The following RAD50 variants were observed in gnomAD, a reference collection of about 807,000 sequenced individuals.
The protein encoded by RAD50 is DNA repair protein RAD50.
A neutral mutation model predicts 168.8 loss-of-function variants in RAD50; 132 were observed. The observed-to-expected ratio is 0.78, with a 90% CI of 0.68 to 0.90. The LOEUF (loss-of-function observed/expected upper bound fraction) is 0.90, where lower values mean the gene tolerates loss of function less well. Among genes scored for constraint, RAD50 ranks in the 40% least tolerant of loss-of-function variants. The pLI is 0.00. For missense variants in RAD50, 1,347 were observed against 1,534.4 expected (o/e 0.88, Z 2.04); for synonymous variants, 525 against 497.4 (o/e 1.06, Z -0.74).
intron 21 of RAD50, among the ~76,000 whole-genome samples, chr5:132,624,062 GTTAGA>G (rs775423463): frequency 5.9e-5 from 9 of 152,114 alleles, no homozygotes; most frequent in East Asian, 3.8e-4. Flanking sequence ...TAAGATTTTT[GTTAGA>G]TTAAGTTTAA....
At chr5:132,571,341 C>A (rs558187039) in intron 2 of RAD50, among the ~76,000 whole-genome samples, 8 of 152,232 alleles carry the variant, frequency 5.3e-5, no homozygotes, top group Admixed American at 4.6e-4. Context: ...TATTTGATAG[C>A]TGTCATAATA....
chr5:132,610,195 TACTC>T (rs1561647965), intron 19 of RAD50, among the ~76,000 whole-genome samples: 1 of 152,160 alleles, frequency 6.6e-6, no homozygotes, highest in Non-Finnish European at 1.5e-5. Flanking sequence ...TACCAGCACT[TACTC>T]AGATTGATTT....
rs528571753 is a variant in RAD50 at position 132,576,986 on chromosome 5, C to T, written c.365+1058C>T. Among the ~76,000 whole-genome samples the T allele has an allele frequency of 1.8e-3, 268 of 152,284 alleles. 1 individual carries two copies. The highest frequency in any genetic ancestry group is 6.2e-3 in the African/African-American group (257 of 41,560). ...TAGTAAGAGTTCATGTATTAGTCTT[C>T]TATGACTGCTATAAGAAACCACAAA... is the stretch of plus-strand genomic sequence containing the variant. On this transcript the variant is annotated intron_variant, in intron 3 of 24. Coordinates refer to ENST00000378823, the MANE Select transcript of RAD50 (RefSeq NM_005732.4).
At chr5:132,578,049 G>A (rs80097481) in intron 3 of RAD50, among the ~76,000 whole-genome samples, 6 of 151,980 alleles carry the variant, frequency 3.9e-5, no homozygotes, top group South Asian at 2.1e-4. Context: ...TCTTGACCTC[G>A]TGATCCGCCC....
intron 13 of RAD50, among the ~76,000 whole-genome samples, chr5:132,599,263 G>A (rs980826477): frequency 1.3e-5 from 2 of 152,152 alleles, no homozygotes; most frequent in African/African-American, 4.8e-5. Flanking sequence ...AGGAAGCACT[G>A]AAAATGGACC....
At chr5:132,619,839 T>TATATATATAAAG (rs1561651662) in intron 21 of RAD50, among the ~76,000 whole-genome samples, 1,386 of 115,960 alleles carry the variant, frequency 0.012, 23 homozygotes, top group African/African-American at 0.047. Context: ...TCTCTCTCTA[T>TATATATATAAAG]ATATATATAT....
chr5:132,635,518 ACTAGAT>A (rs1751562812), intron 21 of RAD50, among the ~76,000 whole-genome samples: 1 of 152,184 alleles, frequency 6.6e-6, no homozygotes, highest in Non-Finnish European at 1.5e-5. Flanking sequence ...CTCTCCCTGA[ACTAGAT>A]CTTTTTCCCG....
chr5:132,589,530 CTT>C, intron 8 of RAD50, 99 bp from the exon 9 acceptor site: 1 of 954,544 alleles, frequency 1.0e-6, no homozygotes. Context: ...CACGACTGTA[CTT>C]TTTTGTATTT....
intron 5 of RAD50, among the ~76,000 whole-genome samples, chr5:132,587,219 T>TA (rs935852331): frequency 6.6e-6 from 1 of 152,198 alleles, no homozygotes; most frequent in Non-Finnish European, 1.5e-5. Context: ...AGTCCTGACT[T>TA]AAAAAAATAC....
intron 13 of RAD50, among the ~76,000 whole-genome samples, chr5:132,602,217 A>T (rs956114658): frequency 2.0e-5 from 3 of 152,206 alleles, no homozygotes; most frequent in South Asian, 2.1e-4. Flanking sequence ...TTGCATTTTT[A>T]AAAAATCATT....
intron 19 of RAD50, among the ~76,000 whole-genome samples, chr5:132,612,834 T>A (rs2245460): frequency 0.28 from 42,386 of 151,142 alleles, 6,866 homozygotes; most frequent in African/African-American, 0.46. Flanking sequence ...TCTCAAAAAA[T>A]ATATATATAT....
rs7722228 is a variant in RAD50 at position 132,645,156 on chromosome 5, A to G, written c.*2792A>G. The G allele has an allele frequency of 0.042, 6,328 of 152,276 alleles. 433 individuals carry two copies. The highest frequency in any genetic ancestry group is 0.15 in the African/African-American group (6,026 of 41,482). The allele number at this position is 152,276 out of a possible 1,614,324, so 9.4% of individuals were successfully genotyped here. On this transcript the variant is annotated 3_prime_UTR_variant, in exon 25 of 25. Transcript: ENST00000378823. ...TCAGTTTTAAGCATCTCACTCTCCA[A>G]TAACCCCATGGTGTCTACAATTTTC...
intron 5 of RAD50, among the ~76,000 whole-genome samples, chr5:132,582,031 A>G (rs1263566806): frequency 6.6e-6 from 1 of 152,196 alleles, no homozygotes; most frequent in Non-Finnish European, 1.5e-5. Context: ...GTAGCCAGAG[A>G]GGATTTCATA....
At chr5:132,567,950 A>G (rs1055134261) in intron 2 of RAD50, among the ~76,000 whole-genome samples, 2 of 152,210 alleles carry the variant, frequency 1.3e-5, no homozygotes, top group Non-Finnish European at 2.9e-5. Context: ...ATAATTTTAA[A>G]AATTAATGGG....
chr5:132,634,071 T>C (rs1446075681), intron 21 of RAD50, among the ~76,000 whole-genome samples: 2 of 152,180 alleles, frequency 1.3e-5, no homozygotes, highest in African/African-American at 2.4e-5. Flanking sequence ...CTATATGAAC[T>C]TTAGAGTCAG....
chr5:132,565,978 T>G (rs926220481), intron 2 of RAD50, among the ~76,000 whole-genome samples: 3 of 152,210 alleles, frequency 2.0e-5, no homozygotes, highest in Non-Finnish European at 4.4e-5. Context: ...TGCCTTAACC[T>G]TCAGCTGGCA....
chr5:132,606,511 C>T (rs980572288), intron 16 of RAD50, among the ~76,000 whole-genome samples: 4 of 152,136 alleles, frequency 2.6e-5, no homozygotes, highest in African/African-American at 9.7e-5. Context: ...CAGGACCAGA[C>T]AGATTCACAG....
intron 21 of RAD50, among the ~76,000 whole-genome samples, chr5:132,629,045 T>A (rs896338478): frequency 1.3e-5 from 2 of 152,170 alleles, no homozygotes; most frequent in African/African-American, 4.8e-5. Flanking sequence ...TACAGCCCAT[T>A]GACCTGCAGA....
intron 2 of RAD50, among the ~76,000 whole-genome samples, chr5:132,569,244 A>G (rs959650036): frequency 8.5e-5 from 13 of 152,174 alleles, no homozygotes; most frequent in African/African-American, 2.7e-4. Flanking sequence ...AAAATGGAAA[A>G]TAATTTTAAA....
Sources: gnomAD v4.1 joint callset for allele counts (sites outside exome capture counted in the v4.1 genomes callset) on GRCh38, gnomAD v4.1.1 for gene constraint, MANE v1.5 for transcripts, NCBI Gene and HGNC (gene_info 2026-07-23, HGNC 2026-07-21) for gene names.